PLA2G6: variants seen among roughly 807,000 people sequenced by gnomAD.
PLA2G6 encodes the protein phospholipase A2 group VI.
PLA2G6 carries 62 observed loss-of-function variants against 83.8 expected under a neutral mutation model. The ratio of observed to expected loss-of-function variants is 0.74; its 90% CI spans 0.60 to 0.91. The LOEUF is 0.91. PLA2G6 is among the 40% of genes least tolerant of loss of function. PLA2G6 has a pLI of 0.00. For synonymous variants in PLA2G6, 417 were observed against 449.8 expected (o/e 0.93, Z 0.92); for missense variants, 944 against 1,102.0 (o/e 0.86, Z 2.03).
intron 2 of PLA2G6, chr22:38,148,188 C>T (rs933810355): frequency 2.4e-5 from 8 of 328,970 alleles, no homozygotes; most frequent in African/African-American, 1.3e-4. Context: ...GGAACCAAGG[C>T]CTGATTAAAG....
chr22:38,131,314 C>G (rs974720425), intron 7 of PLA2G6: 2 of 152,166 alleles, frequency 1.3e-5, no homozygotes, highest in African/African-American at 4.8e-5. Context: ...GCCACTGCAG[C>G]TGGCCAGTTA....
rs993427101 is a variant in PLA2G6, at chr22:38,133,096, C to T, written c.895-83G>A. 5 of 1,278,512 alleles carry T rather than the reference C, an allele frequency of 3.9e-6. No homozygotes were observed. The African/African-American group carries it at 5.9e-5, about 15-fold the overall frequency. The allele number at this position is 1,278,512 out of a possible 1,614,324, so 79.2% of individuals were successfully genotyped here. ...GGACACGTGGGCACTGCCACTTCTG[C>T]TCTGAGAGGCCTACAGGTACTGGGA... On this transcript the variant is annotated intron_variant, in intron 6 of 16. Coordinates refer to ENST00000332509, the MANE Select transcript of PLA2G6 (RefSeq NM_003560.4).
At chr22:38,129,720 T>C (rs1358775281) in intron 7 of PLA2G6, among the ~76,000 whole-genome samples, 158 bp from the exon 8 acceptor site, 1 of 152,186 alleles carries the variant, frequency 6.6e-6, no homozygotes, top group African/African-American at 2.4e-5. Context: ...CAAGTCAATC[T>C]GGTAGTCCAA....
rs1290713131 is a variant in PLA2G6 at position 38,132,595 on chromosome 22, G to A, written c.1077+236C>T. 1.4e-5 allele frequency: 8 copies of A among 581,824 alleles called. No individual in the cohort carries two copies. The highest frequency in any genetic ancestry group is 2.5e-5 in the Non-Finnish European group (8 of 325,808). The allele number at this position is 581,824 out of a possible 1,614,324, so 36.0% of individuals were successfully genotyped here. ...CGTGCCATGCAAGTGCCAAATGGGG[G>A]CACAGGTGGAAAAGGTACCACAGCA... is the stretch of plus-strand genomic sequence containing the variant. On this transcript the variant is annotated intron_variant, in intron 7 of 16. Coordinates refer to ENST00000332509, the MANE Select transcript of PLA2G6 (RefSeq NM_003560.4). This position sits in a 1 kb window ranked among gnomAD's most constrained non-coding sequence, Gnocchi z 5.0.
chr22:38,121,114 G>A (rs546124483), intron 11 of PLA2G6: 16 of 556,996 alleles, frequency 2.9e-5, no homozygotes, highest in South Asian at 8.0e-5. Flanking sequence ...ATGGTGGCTC[G>A]CGCCTGTAAT....
chr22:38,126,195 G>C lies in PLA2G6; in HGVS notation c.1427+176C>G, dbSNP rs769759444. On this transcript the variant is annotated intron_variant, in intron 10 of 16. Coordinates refer to ENST00000332509, the MANE Select transcript of PLA2G6 (RefSeq NM_003560.4). ...CCTGCACCGCCCAGCATTAATGAAC[G>C]AGCGACACAGGCTCTCCATGTTCTG... is the stretch of plus-strand genomic sequence containing the variant. 3 of 683,026 alleles carry C rather than the reference G, an allele frequency of 4.4e-6. No individual in the cohort carries two copies. The Admixed American group carries it at 6.0e-5, about 14-fold the overall frequency. 42.3% of individuals were successfully genotyped at this position (683,026 alleles called of 1,614,324 possible).
intron 2 of PLA2G6, among the ~76,000 whole-genome samples, chr22:38,165,557 A>G (rs979414167): frequency 6.6e-6 from 1 of 152,184 alleles, no homozygotes; most frequent in Non-Finnish European, 1.5e-5. Flanking sequence ...CTTTTAAGTC[A>G]TTAAGCACCT....
intron 15 of PLA2G6, among the ~76,000 whole-genome samples, 198 bp downstream of exon 15, chr22:38,113,289 C>T (rs534004961): frequency 6.6e-6 from 1 of 152,322 alleles, no homozygotes; most frequent in East Asian, 1.9e-4. Flanking sequence ...GAAAACCCCC[C>T]TGCTGGTGGT....
At chr22:38,112,673 G>A in intron 15 of PLA2G6, 96 bp from the exon 16 acceptor site, 3 of 1,059,324 alleles carry the variant, frequency 2.8e-6, no homozygotes, top group Admixed American at 4.0e-5. Context: ...CCCAGCCTGG[G>A]GAGCCCCAGG....
chr22:38,145,875 ACTTT>A (rs1235543448), intron 2 of PLA2G6: 41 of 560,878 alleles, frequency 7.3e-5, no homozygotes, highest in South Asian at 6.0e-4. Flanking sequence ...TTTAGGTTAG[ACTTT>A]CTTTGTTTTT....
rs1390353645 is a variant in PLA2G6, at chr22:38,123,444, G to C, written c.1428-186C>G. On this transcript the variant is annotated intron_variant, in intron 10 of 16. Transcript: ENST00000332509. This position sits in a 1 kb window ranked among gnomAD's most constrained non-coding sequence, Gnocchi z 4.1. Reference sequence around the variant, plus strand: ...AGGGCAGTAAAGGAACAAATGTCTAGTATTTCAGGGGCTGGAGAGTGCAAC... The same window carrying C: ...AGGGCAGTAAAGGAACAAATGTCTACTATTTCAGGGGCTGGAGAGTGCAAC... 1.3e-5 allele frequency among the ~76,000 whole-genome samples: 2 copies of C among 152,196 alleles called. No homozygotes were observed. Among genetic ancestry groups the C allele is most frequent in the Non-Finnish European group, 2.9e-5 (2 of 68,034 alleles).
Position 38,120,138 on chromosome 22 carries a change from C to T in PLA2G6, c.1742+621G>A, listed in dbSNP as rs533041651. ...TTGGAACACACCATTCATCCAGCCC[C>T]GAACGGGATGCATTGCTTAGTCCTA... is the stretch of plus-strand genomic sequence containing the variant. On this transcript the variant is annotated intron_variant, in intron 12 of 16. Coordinates refer to ENST00000332509, the MANE Select transcript of PLA2G6 (RefSeq NM_003560.4). Among the ~76,000 whole-genome samples, 10 of 152,334 alleles carry T rather than the reference C, an allele frequency of 6.6e-5. No individual in the cohort carries two copies. The South Asian group carries it at 1.9e-3, about 28-fold the overall frequency.
At chr22:38,124,715 C>A (rs1435209995) in intron 10 of PLA2G6, among the ~76,000 whole-genome samples, 1 of 152,182 alleles carries the variant, frequency 6.6e-6, no homozygotes, top group African/African-American at 2.4e-5. Flanking sequence ...CTGCTCTGGG[C>A]AGCGCTGTGT....
At chr22:38,135,523 G>A in intron 5 of PLA2G6, 1 of 198,318 alleles carries the variant, frequency 5.0e-6, no homozygotes, top group South Asian at 9.0e-5. Context: ...GTCACACAGT[G>A]ACCTGCATGC....
Position 38,128,206 on chromosome 22 carries a change from C to T in PLA2G6, c.1348+63G>A, listed in dbSNP as rs1239503048. 1.3e-6 allele frequency: 2 copies of T among 1,535,686 alleles called. No individual in the cohort carries two copies. The highest frequency in any genetic ancestry group is 1.8e-6 in the Non-Finnish European group (2 of 1,110,746). On this transcript the variant is annotated intron_variant, in intron 9 of 16. Transcript: ENST00000332509. This position sits in a 1 kb window ranked among gnomAD's most constrained non-coding sequence, Gnocchi z 4.4. ...TAGGGATCCTGTTGCTTTGGTGGGG[C>T]CTGCTGTGATCCAGGGGCCTGGGAA...
intron 2 of PLA2G6, among the ~76,000 whole-genome samples, chr22:38,156,547 G>A (rs954107760): frequency 3.1e-4 from 47 of 151,876 alleles, no homozygotes; most frequent in Admixed American, 2.4e-3. Flanking sequence ...TCTGCCTCCC[G>A]GGTTCACACC....
chr22:38,165,983 C>G (rs1471647104), intron 2 of PLA2G6, among the ~76,000 whole-genome samples: 2 of 152,212 alleles, frequency 1.3e-5, no homozygotes, highest in Admixed American at 1.3e-4. Context: ...AGCGCTGTGA[C>G]AGCAGCTTGG....
intron 12 of PLA2G6, among the ~76,000 whole-genome samples, chr22:38,117,392 A>G (rs935541621): frequency 5.9e-5 from 9 of 152,070 alleles, no homozygotes; most frequent in Non-Finnish European, 1.2e-4. Flanking sequence ...TATTTTTAGT[A>G]GAGATGGGGT....
At chr22:38,139,359 C>T (rs749318071) in intron 5 of PLA2G6, 1 of 152,028 alleles carries the variant, frequency 6.6e-6, no homozygotes, top group Non-Finnish European at 1.5e-5. Context: ...TGGTTGTCTC[C>T]AGTTTTATAG....
Sources: gnomAD v4.1 joint callset for allele counts (sites outside exome capture counted in the v4.1 genomes callset) on GRCh38, gnomAD v4.1.1 for gene constraint, Gnocchi (gnomAD v3.1) non-coding constraint, MANE v1.5 for transcripts, NCBI Gene and HGNC (gene_info 2026-07-23, HGNC 2026-07-21) for gene names.